Variants in DYRK3 observed in about 807,000 individuals in gnomAD.
DYRK3 encodes the protein dual specificity tyrosine-phosphorylation-regulated kinase 3.
A neutral mutation model predicts 40.8 loss-of-function variants in DYRK3; 30 were observed. That is an observed-to-expected ratio of 0.74 (90% confidence interval 0.55 to 1.00). The LOEUF is 1.00. Ranked by LOEUF, DYRK3 falls within the 50% of genes least tolerant of loss-of-function variation. The pLI is 0.00. For synonymous variants in DYRK3, 272 were observed against 260.7 expected (o/e 1.04, Z -0.42); for missense variants, 699 against 731.5 (o/e 0.96, Z 0.51).
At position 206,649,501 on chromosome 1, in the gene DYRK3, G is replaced by C. The variant is rs1310877284; in HGVS notation, c.*536G>C. ...GTGACCTGGACAACTGGTGTCCCTG[G>C]TTTTCAGTGACTCGCTCCTCTTCCC... On this transcript the variant is annotated 3_prime_UTR_variant, in exon 3 of 3. Transcript: ENST00000367109. 1.3e-5 allele frequency among the ~76,000 whole-genome samples: 2 copies of C among 152,190 alleles called. No homozygotes were observed. The highest frequency in any genetic ancestry group is 4.8e-5 in the African/African-American group (2 of 41,438).
chr1:206,653,464 G>A lies in DYRK3; in HGVS notation c.*4499G>A, dbSNP rs1404110196. Among the ~76,000 whole-genome samples, 2 of 152,152 alleles carry A rather than the reference G, an allele frequency of 1.3e-5. No individual in the cohort carries two copies. Among genetic ancestry groups the A allele is most frequent in the East Asian group, 1.9e-4 (1 of 5,200 alleles). On this transcript the variant is annotated 3_prime_UTR_variant, in exon 3 of 3. Transcript: ENST00000367109. ...GATTTCTCCTTAGATTAGAAAGTAAGCTTCAAATGGGAGTGTGTCTTCATA... is the reference window on the plus strand; with the variant it reads ...GATTTCTCCTTAGATTAGAAAGTAAACTTCAAATGGGAGTGTGTCTTCATA...
chr1:206,636,187 T>C (rs782604858), intron 1 of DYRK3: 3 of 731,252 alleles, frequency 4.1e-6, no homozygotes, highest in Non-Finnish European at 6.6e-6. Context: ...ACTCTTGGGG[T>C]TTGCTGTGAG....
In DYRK3 at chr1:206,647,645, A is replaced by G. The variant is rs199636437; in HGVS notation, c.447A>G (p.Gln149=). The change falls in exon 3 of 3, where the codon CAA becomes CAG. Residue 149 remains glutamine (Q), a synonymous_variant. Coordinates refer to ENST00000367109, the MANE Select transcript of DYRK3 (RefSeq NM_003582.4). Reference sequence around the variant, plus strand: ...TGACTCCAGAACAAGCCCTGAAGCAATATAAACACCACCTCACTGCCTATG... The same window carrying G: ...TGACTCCAGAACAAGCCCTGAAGCAGTATAAACACCACCTCACTGCCTATG... The part of the protein sequence containing the change: ...VPLTPEQALK[Q]YKHHLTAYEK... The G allele has an allele frequency of 6.2e-7, 1 of 1,614,216 alleles. No homozygotes were observed. The highest frequency in any genetic ancestry group is 8.5e-7 in the Non-Finnish European group (1 of 1,180,036).
At chr1:206,637,848 C>A in intron 2 of DYRK3, 87 bp downstream of exon 2, 2 of 994,814 alleles carry the variant, frequency 2.0e-6, no homozygotes, top group Admixed American at 2.4e-5. Flanking sequence ...TTATGTATCA[C>A]TGACAACCAG....
chr1:206,648,196 A>G lies in DYRK3; in HGVS notation c.998A>G (p.His333Arg), dbSNP rs782139626. Residue 333 changes from histidine (H) to arginine (R), a missense_variant, in exon 3 of 3, where the codon CAC (histidine) becomes CGC (arginine). By Grantham distance (29) the His-to-Arg change is conservative. Transcript: ENST00000367109. ...LDALHKNKII[H>R]CDLKPENILL... is the part of the protein sequence containing the mutation. ...GCCCTCCACAAAAATAAGATTATTCACTGCGATCTGAAGCCAGAAAACATT... is the reference window on the plus strand; with the variant it reads ...GCCCTCCACAAAAATAAGATTATTCGCTGCGATCTGAAGCCAGAAAACATT... 1 of 1,614,176 alleles carries G rather than the reference A, an allele frequency of 6.2e-7. No homozygotes were observed. The highest frequency in any genetic ancestry group is 8.5e-7 in the Non-Finnish European group (1 of 1,180,026).
At position 206,652,433 on chromosome 1, in the gene DYRK3, A is replaced by G. The variant is rs1430193798; in HGVS notation, c.*3468A>G. Among the ~76,000 whole-genome samples the G allele has an allele frequency of 6.6e-6, 1 of 152,140 alleles. No homozygotes were observed. Among genetic ancestry groups the G allele is most frequent in the Non-Finnish European group, 1.5e-5 (1 of 68,022 alleles). On this transcript the variant is annotated 3_prime_UTR_variant, in exon 3 of 3. Coordinates refer to ENST00000367109, the MANE Select transcript of DYRK3 (RefSeq NM_003582.4). ...GTTGGTGCGTGCTCTATTTCTGTGT[A>G]TCGAATGGACTACAAGGTTACTGAA...
Position 206,635,563 on chromosome 1 carries a change from G to A in DYRK3, c.-141G>A. The stretch of plus-strand genomic sequence containing the variant: ...TTCCCAGCCGGGGCCAGTCGGGAGC[G>A]AAAGTGCGCTGAGCTGCAGTGTCTG... On this transcript the variant is annotated 5_prime_UTR_variant, in exon 1 of 3. Coordinates refer to ENST00000367109, the MANE Select transcript of DYRK3 (RefSeq NM_003582.4). 2 of 1,111,680 alleles carry A rather than the reference G, an allele frequency of 1.8e-6. No homozygotes were observed. The highest frequency in any genetic ancestry group is 2.3e-6 in the Non-Finnish European group (2 of 878,802). 68.9% of individuals were successfully genotyped at this position (1,111,680 alleles called of 1,614,324 possible). A position where few individuals can be genotyped will look rare whatever the true frequency, so the allele number is the denominator to read the frequency against.
rs1040070674 is a variant in DYRK3 at position 206,651,020 on chromosome 1, C to T, written c.*2055C>T. Among the ~76,000 whole-genome samples the T allele has an allele frequency of 6.6e-6, 1 of 152,224 alleles. No homozygotes were observed. Among genetic ancestry groups the T allele is most frequent in the African/African-American group, 2.4e-5 (1 of 41,460 alleles). ...ATACAACTCCTTTAGATCCCTCTAA[C>T]TCCTGCTGAATTTTCTTTCTTTTTT... is the stretch of plus-strand genomic sequence containing the variant. On this transcript the variant is annotated 3_prime_UTR_variant, in exon 3 of 3. Coordinates refer to ENST00000367109, the MANE Select transcript of DYRK3 (RefSeq NM_003582.4).
chr1:206,636,229 T>C, intron 1 of DYRK3: 1 of 423,052 alleles, frequency 2.4e-6, no homozygotes, highest in South Asian at 1.9e-5. Context: ...GTACAGGTTA[T>C]GGGCTATGCT....
Position 206,650,600 on chromosome 1 carries a change from G to C in DYRK3, c.*1635G>C, listed in dbSNP as rs527644368. Among the ~76,000 whole-genome samples the C allele has an allele frequency of 6.8e-6, 1 of 147,468 alleles. No individual in the cohort carries two copies. Among genetic ancestry groups the C allele is most frequent in the East Asian group, 1.9e-4 (1 of 5,178 alleles). ...TAGAATATTTGCTTTTTACAATATA[G>C]TTCTCAGAATGATCCAGTTCCATTT... is the stretch of plus-strand genomic sequence containing the variant. On this transcript the variant is annotated 3_prime_UTR_variant, in exon 3 of 3. Coordinates refer to ENST00000367109, the MANE Select transcript of DYRK3 (RefSeq NM_003582.4).
chr1:206,647,001 G>T (rs914447760), intron 2 of DYRK3, among the ~76,000 whole-genome samples: 5 of 152,274 alleles, frequency 3.3e-5, no homozygotes, highest in South Asian at 2.1e-4. Context: ...GTATGGGCTT[G>T]GCATAGTTCT....
At chr1:206,640,473 A>T (rs1392653480) in intron 2 of DYRK3, among the ~76,000 whole-genome samples, 1 of 151,512 alleles carries the variant, frequency 6.6e-6, no homozygotes, top group Non-Finnish European at 1.5e-5. Context: ...AGGGTTTGGG[A>T]GCTGGGGAAA....
intron 2 of DYRK3, among the ~76,000 whole-genome samples, chr1:206,638,161 C>T (rs1215610909): frequency 6.6e-6 from 1 of 151,794 alleles, no homozygotes; most frequent in Non-Finnish European, 1.5e-5. Flanking sequence ...GGTGGAAATG[C>T]AGTCTTCGTT....
In DYRK3 at chr1:206,649,136, C is replaced by T. The variant is rs1671561329; in HGVS notation, c.*171C>T. The T allele has an allele frequency of 1.5e-6, 1 of 675,404 alleles. No homozygotes were observed. The highest frequency in any genetic ancestry group is 2.4e-6 in the Non-Finnish European group (1 of 422,904). The allele number at this position is 675,404 out of a possible 1,614,324, so 41.8% of individuals were successfully genotyped here. ...AAAAGAATTCTTCAAGGGCTAATTA[C>T]CTAACCAGCTTGTATTGGCCATCTG... is the stretch of plus-strand genomic sequence containing the variant. On this transcript the variant is annotated 3_prime_UTR_variant, in exon 3 of 3. Coordinates refer to ENST00000367109, the MANE Select transcript of DYRK3 (RefSeq NM_003582.4).
chr1:206,651,194 A>C lies in DYRK3; in HGVS notation c.*2229A>C, dbSNP rs1009328107. Among the ~76,000 whole-genome samples the C allele has an allele frequency of 1.3e-5, 2 of 152,222 alleles. No individual in the cohort carries two copies. Among genetic ancestry groups the C allele is most frequent in the South Asian group, 4.2e-4 (2 of 4,816 alleles). ...CTCATAACCCATCCTCCTCTTCTTT[A>C]TTCATCACTGCCTTCTTCAAGGGAG... On this transcript the variant is annotated 3_prime_UTR_variant, in exon 3 of 3. Coordinates refer to ENST00000367109, the MANE Select transcript of DYRK3 (RefSeq NM_003582.4).
chr1:206,650,562 G>A lies in DYRK3; in HGVS notation c.*1597G>A, dbSNP rs1455206168. 6.6e-6 allele frequency among the ~76,000 whole-genome samples: 1 copy of A among 152,136 alleles called. No homozygotes were observed. Among genetic ancestry groups the A allele is most frequent in the East Asian group, 1.9e-4 (1 of 5,196 alleles). On this transcript the variant is annotated 3_prime_UTR_variant, in exon 3 of 3. Coordinates refer to ENST00000367109, the MANE Select transcript of DYRK3 (RefSeq NM_003582.4). ...GTCTAAAAAACAAACCAAAAAAAGTGTGTTCTTTAAAGTAGAATATTTGCT... is the reference window on the plus strand; with the variant it reads ...GTCTAAAAAACAAACCAAAAAAAGTATGTTCTTTAAAGTAGAATATTTGCT...
chr1:206,637,843 T>C (rs1671162356), intron 2 of DYRK3, 82 bp downstream of exon 2: 1 of 1,079,474 alleles, frequency 9.3e-7, no homozygotes, highest in Non-Finnish European at 1.4e-6. Context: ...TACACTTATG[T>C]ATCACTGACA....
chr1:206,637,772 G>T lies in DYRK3; in HGVS notation c.189+11G>T, dbSNP rs1481208082. On this transcript the variant is annotated intron_variant, in intron 2 of 2. Transcript: ENST00000367109. ...CCCAGAAGACTAAATGTAAGTAAAA[G>T]AAGTCATTCTTTGTACATGAATTGT... 3 of 1,594,380 alleles carry T rather than the reference G, an allele frequency of 1.9e-6. No homozygotes were observed. The highest frequency in any genetic ancestry group is 2.7e-5 in the African/African-American group (2 of 74,518).
Position 206,648,510 on chromosome 1 carries a change from C to T in DYRK3, c.1312C>T (p.Arg438Cys), listed in dbSNP as rs782578729. The change falls in exon 3 of 3, where the codon CGT becomes TGT. Residue 438 changes from arginine to cysteine, a missense_variant. By Grantham distance (180) the Arg-to-Cys change is radical. Coordinates refer to ENST00000367109, the MANE Select transcript of DYRK3 (RefSeq NM_003582.4). ...PPPKLLEQSK[R>C]AKYFINSKGI... Reference sequence around the variant, plus strand: ...ACCAAAACTTCTGGAGCAATCCAAACGTGCCAAGTACTTTATTAATTCCAA... The same window carrying T: ...ACCAAAACTTCTGGAGCAATCCAAATGTGCCAAGTACTTTATTAATTCCAA... 9 of 1,614,050 alleles carry T rather than the reference C, an allele frequency of 5.6e-6. No homozygotes were observed. Among genetic ancestry groups the T allele is most frequent in the South Asian group, 3.3e-5 (3 of 91,078 alleles).
Sources: gnomAD v4.1 joint callset for allele counts (sites outside exome capture counted in the v4.1 genomes callset) on GRCh38, gnomAD v4.1.1 for gene constraint, MANE v1.5 for transcripts, NCBI Gene and HGNC (gene_info 2026-07-23, HGNC 2026-07-21) for gene names.